PTPRN2: variants seen among roughly 807,000 people sequenced by gnomAD.
PTPRN2 encodes receptor-type tyrosine-protein phosphatase N2.
PTPRN2 carries 74 observed loss-of-function variants against 118.8 expected under a neutral mutation model. The observed-to-expected ratio is 0.62, with a 90% CI of 0.52 to 0.76. The LOEUF is 0.76. Among genes scored for constraint, PTPRN2 ranks in the 30% least tolerant of loss-of-function variants. The pLI is 0.00. For synonymous variants in PTPRN2, 641 were observed against 608.0 expected, an observed-to-expected ratio of 1.05 and a Z score of -0.80; for missense variants, 1,481 against 1,394.4, an observed-to-expected ratio of 1.06 and a Z score of -0.99.
At chr7:158,043,249 T>G (rs563840948) in intron 11 of PTPRN2, among the ~76,000 whole-genome samples, 3 of 152,196 alleles carry the variant, frequency 2.0e-5, no homozygotes, top group Non-Finnish European at 4.4e-5. Context: ...GGGAACACTT[T>G]CCTCTAATCT....
At chr7:157,553,335 C>T (rs541956663) in intron 21 of PTPRN2, among the ~76,000 whole-genome samples, 1 of 152,224 alleles carries the variant, frequency 6.6e-6, no homozygotes, top group South Asian at 2.1e-4. Context: ...CTGTCCCTCA[C>T]TGGCAACCGC....
intron 2 of PTPRN2, among the ~76,000 whole-genome samples, chr7:158,442,749 CTG>C (rs1479636996): frequency 6.6e-6 from 1 of 152,222 alleles, no homozygotes; most frequent in Non-Finnish European, 1.5e-5. Flanking sequence ...TCCTTTTCTC[CTG>C]TGTGCTTTAA....
chr7:157,551,711 CCACA>C, intron 21 of PTPRN2, among the ~76,000 whole-genome samples: 1 of 142,326 alleles, frequency 7.0e-6, no homozygotes, highest in East Asian at 2.2e-4. Context: ...CCCACAGCCA[CCACA>C]CACCCCACAG....
chr7:158,124,414 T>C (rs4909092), intron 9 of PTPRN2, among the ~76,000 whole-genome samples: 147,099 of 152,338 alleles, frequency 0.97, 71,074 homozygotes, highest in Middle Eastern at 0.98. Flanking sequence ...TGGAACATCC[T>C]TAAAAGGACA....
At chr7:158,150,204 T>G in intron 6 of PTPRN2, among the ~76,000 whole-genome samples, 1 of 152,244 alleles carries the variant, frequency 6.6e-6, no homozygotes. Flanking sequence ...CCCACCTTCA[T>G]GCTTCAGGAA....
chr7:158,343,300 G>A (rs151085275), intron 2 of PTPRN2, among the ~76,000 whole-genome samples: 119 of 152,268 alleles, frequency 7.8e-4, no homozygotes, highest in African/African-American at 2.7e-3. Context: ...CAGGGAAGGC[G>A]CCCAGCATCA....
chr7:158,425,149 G>T (rs1389301984), intron 2 of PTPRN2, among the ~76,000 whole-genome samples: 3 of 152,264 alleles, frequency 2.0e-5, no homozygotes, highest in Non-Finnish European at 4.4e-5. Context: ...CTGATGCACT[G>T]CCAGGAAAGA....
intron 11 of PTPRN2, among the ~76,000 whole-genome samples, chr7:157,992,775 G>C (rs1804345398): frequency 6.6e-6 from 1 of 152,198 alleles, no homozygotes; most frequent in South Asian, 2.1e-4. Flanking sequence ...CTGTCCTCCA[G>C]AGTCCAGCTG....
chr7:157,927,804 G>A (rs1302479372), intron 11 of PTPRN2, among the ~76,000 whole-genome samples: 3 of 152,062 alleles, frequency 2.0e-5, no homozygotes, highest in Admixed American at 2.0e-4. Context: ...TGAACCCTCT[G>A]GGGTTTGTGA....
intron 11 of PTPRN2, among the ~76,000 whole-genome samples, chr7:157,956,202 C>T (rs1347329155): frequency 6.6e-6 from 1 of 152,144 alleles, no homozygotes; most frequent in African/African-American, 2.4e-5. Context: ...TATCTGCATG[C>T]CCAGGGCTGT....
chr7:157,626,028 A>G (rs772793322), intron 14 of PTPRN2, among the ~76,000 whole-genome samples: 10 of 152,206 alleles, frequency 6.6e-5, no homozygotes, highest in Admixed American at 3.3e-4. Context: ...TAAAGTGAAA[A>G]AATGCAGAGA....
intron 4 of PTPRN2, among the ~76,000 whole-genome samples, chr7:158,199,822 G>A (rs529250649): frequency 2.2e-4 from 34 of 152,252 alleles, no homozygotes; most frequent in Non-Finnish European, 4.6e-4. Context: ...CACTAGGGGA[G>A]CCTGGTTAGA....
At chr7:158,153,085 C>G (rs1821362327) in intron 6 of PTPRN2, among the ~76,000 whole-genome samples, 1 of 151,370 alleles carries the variant, frequency 6.6e-6, no homozygotes, top group East Asian at 1.9e-4. Flanking sequence ...ACTGGGGGGA[C>G]AAGAGCAGAC....
intron 9 of PTPRN2, among the ~76,000 whole-genome samples, chr7:158,119,915 G>A (rs974458842): frequency 1.4e-4 from 21 of 152,092 alleles, no homozygotes; most frequent in African/African-American, 4.6e-4. Flanking sequence ...ATTCACAGCC[G>A]CATTATTCTC....
At chr7:158,422,050 C>A (rs1328725094) in intron 2 of PTPRN2, among the ~76,000 whole-genome samples, 4 of 152,182 alleles carry the variant, frequency 2.6e-5, no homozygotes, top group African/African-American at 9.7e-5. Context: ...ATAATCGAGC[C>A]TCATCACAGA....
At chr7:157,965,124 T>C (rs1801829774) in intron 11 of PTPRN2, among the ~76,000 whole-genome samples, 1 of 151,756 alleles carries the variant, frequency 6.6e-6, no homozygotes, top group South Asian at 2.1e-4. Context: ...GATATGGAGG[T>C]AGATTTGTGG....
At chr7:158,051,726 T>TA (rs1281215664) in intron 11 of PTPRN2, among the ~76,000 whole-genome samples, 2 of 152,268 alleles carry the variant, frequency 1.3e-5, no homozygotes, top group African/African-American at 4.8e-5. Context: ...ATGTGTTTTT[T>TA]ATTCAGTTCA....
At chr7:158,362,991 G>A (rs924768473) in intron 2 of PTPRN2, among the ~76,000 whole-genome samples, 2 of 152,152 alleles carry the variant, frequency 1.3e-5, no homozygotes, top group African/African-American at 2.4e-5. Flanking sequence ...CATGTTGTAG[G>A]TGGCCCTGGT....
At chr7:157,876,392 A>G (rs570030096) in intron 12 of PTPRN2, among the ~76,000 whole-genome samples, 11 of 152,298 alleles carry the variant, frequency 7.2e-5, no homozygotes, top group African/African-American at 2.6e-4. Flanking sequence ...CTGTCACCAG[A>G]GCCTGGAGAC....
Sources: gnomAD v4.1 joint callset for allele counts (sites outside exome capture counted in the v4.1 genomes callset) on GRCh38, gnomAD v4.1.1 for gene constraint, MANE v1.5 for transcripts, NCBI Gene and HGNC (gene_info 2026-07-23, HGNC 2026-07-21) for gene names.